Variants in NLRX1 observed in about 807,000 individuals in gnomAD.
NLRX1 encodes the protein NLR family member X1.
NLRX1 carries 67 observed loss-of-function variants against 74.2 expected under a neutral mutation model. That is an observed-to-expected ratio of 0.90 (90% CI 0.74 to 1.11). The LOEUF (loss-of-function observed/expected upper bound fraction) is 1.11, where lower values mean the gene tolerates loss of function less well. NLRX1 is among the 50% of genes least tolerant of loss of function. The probability of loss-of-function intolerance (pLI) is 0.00; values close to 1 mark genes in which losing one functional copy is unlikely to be tolerated. For synonymous variants in NLRX1, 506 were observed against 559.1 expected (o/e 0.91, Z 1.34); for missense variants, 1,191 against 1,305.4 (o/e 0.91, Z 1.35).
At chr11:119,182,812 G>C (rs1186635641) in intron 9 of NLRX1, among the ~76,000 whole-genome samples, 7 of 151,848 alleles carry the variant, frequency 4.6e-5, no homozygotes, top group African/African-American at 7.3e-5. Context: ...ACCTGAACCC[G>C]GCAGGTGGAG....
At position 119,181,156 on chromosome 11, in the gene NLRX1, C is replaced by A; in HGVS notation, c.2268-15C>A. ...CCTGGTCTCTCACCTCCCCTCTGGC[C>A]ACCTTCTGCTCCAGCTTGCAACTCA... is the stretch of plus-strand genomic sequence containing the variant. On this transcript the variant is annotated splice_polypyrimidine_tract_variant and intron_variant, in intron 7 of 9. Transcript: ENST00000409109. 6.2e-7 allele frequency: 1 copy of A among 1,608,262 alleles called. No homozygotes were observed. Among genetic ancestry groups the A allele is most frequent in the Non-Finnish European group, 8.5e-7 (1 of 1,175,104 alleles).
rs770610223 is a variant in NLRX1, at chr11:119,173,497, G to A, written c.248G>A (p.Arg83His). ...CACTCAGAAGCTATACAGCGGCACC[G>A]CCGGAACCTGGCTGAGTGGTTCAGC... ...ASATEAIQRH[R>H]RNLAEWFSRL... Residue 83 changes from arginine to histidine, a missense_variant, in exon 5 of 10, where the codon CGC becomes CAC. By Grantham distance (29) the Arg-to-His change is conservative. Transcript: ENST00000409109. This position sits in a 1 kb window ranked among gnomAD's most constrained non-coding sequence, Gnocchi z 4.0. 4.3e-6 allele frequency: 7 copies of A among 1,613,588 alleles called. No homozygotes were observed. Among genetic ancestry groups the A allele is most frequent in the African/African-American group, 2.7e-5 (2 of 75,062 alleles).
chr11:119,174,132 G>C, intron 5 of NLRX1, 34 bp downstream of exon 5: 1 of 1,603,350 alleles, frequency 6.2e-7, no homozygotes, highest in Non-Finnish European at 8.5e-7. Flanking sequence ...TATCACTGCT[G>C]CCCGTTGACT....
In NLRX1 at chr11:119,173,826, C is replaced by G. The variant is rs150153921; in HGVS notation, c.577C>G (p.Leu193Val). Residue 193 changes from leucine to valine, a missense_variant, in exon 5 of 10, where the codon CTG becomes GTG. Leu to Val is a conservative substitution (Grantham distance 32, BLOSUM62 1). Coordinates refer to ENST00000409109, the MANE Select transcript of NLRX1 (RefSeq NM_001282144.2). The surrounding 1 kb of genome is among the most constrained non-coding windows in gnomAD (Gnocchi z 4.0). ...WCYGRLPAFE[L>V]LIPFSCEDLS... is the part of the protein sequence containing the mutation. ...TTATGGGCGGCTGCCGGCCTTCGAG[C>G]TGCTCATCCCCTTCTCCTGTGAGGA... 7.5e-3 allele frequency: 12,143 copies of G among 1,613,594 alleles called. 68 individuals are homozygous for G. Among genetic ancestry groups the G allele is most frequent in the Non-Finnish European group, 8.9e-3 (10,548 of 1,180,036 alleles).
intron 6 of NLRX1, among the ~76,000 whole-genome samples, chr11:119,178,928 T>C (rs140472139): frequency 0.011 from 1,612 of 152,182 alleles, 27 homozygotes; most frequent in African/African-American, 0.035. Context: ...CAAGTGATCC[T>C]CCCACCTCGG....
chr11:119,179,081 G>A (rs774791953), intron 6 of NLRX1, among the ~76,000 whole-genome samples: 2 of 152,216 alleles, frequency 1.3e-5, no homozygotes, highest in African/African-American at 4.8e-5. Flanking sequence ...GGCTTGTGAT[G>A]AAGGCATCGT....
chr11:119,172,973 C>T lies in NLRX1; in HGVS notation c.213C>T (p.Pro71=), dbSNP rs1272151610. Residue 71 remains proline (P), a synonymous_variant, in exon 4 of 10, where the codon CCC becomes CCT. Coordinates refer to ENST00000409109, the MANE Select transcript of NLRX1 (RefSeq NM_001282144.2). ...CCGGGAGGCATGGACGGCTGTTCCC[C>T]AGCGCCTCTGCAACTGGTAAAGGGA... The part of the protein sequence containing the change: ...PPPGRHGRLF[P]SASATEAIQR... 1 of 1,613,698 alleles carries T rather than the reference C, an allele frequency of 6.2e-7. No homozygotes were observed. The highest frequency in any genetic ancestry group is 8.5e-7 in the Non-Finnish European group (1 of 1,179,846).
intron 2 of NLRX1, 122 bp from the exon 3 acceptor site, chr11:119,172,234 A>T: frequency 2.7e-6 from 2 of 740,826 alleles, no homozygotes; most frequent in South Asian, 3.1e-5. Flanking sequence ...AAATTGCAAA[A>T]TAACTGCTGC....
In NLRX1 at chr11:119,174,026, T is replaced by A; in HGVS notation, c.777T>A (p.Cys259Ter). 2 of 1,614,186 alleles carry A rather than the reference T, an allele frequency of 1.2e-6. No homozygotes were observed. Among genetic ancestry groups the A allele is most frequent in the African/African-American group, 1.3e-5 (1 of 75,058 alleles). The change falls in exon 5 of 10, where the codon TGT becomes TGA. Residue 259 changes from cysteine (C) to a stop codon, truncating the protein, a stop_gained. Coordinates refer to ENST00000409109, the MANE Select transcript of NLRX1 (RefSeq NM_001282144.2). LOFTEE classifies it high-confidence loss of function. ...LDFRLAGTGLCSDPEEPQEPA... is the reference protein window; with the variant it reads ...LDFRLAGTGL ...TCCGGCTGGCAGGCACGGGACTTTG[T>A]AGTGACCCGGAGGAACCGCAGGAAC...
chr11:119,174,968 T>G lies in NLRX1; in HGVS notation c.1365T>G (p.Ala455=). Residue 455 remains alanine, a synonymous_variant, in exon 6 of 10, where the codon GCT becomes GCG. Coordinates refer to ENST00000409109, the MANE Select transcript of NLRX1 (RefSeq NM_001282144.2). ...SEEDVCGCLE[A]GIRTEEEFQL... ...AGGATGTCTGTGGCTGCCTGGAGGC[T>G]GGCATCAGGACGGAGGAGGAGTTTC... The G allele has an allele frequency of 6.2e-7, 1 of 1,614,050 alleles. No homozygotes were observed. The highest frequency in any genetic ancestry group is 8.5e-7 in the Non-Finnish European group (1 of 1,180,042).
Position 119,181,257 on chromosome 11 carries a change from G to C in NLRX1, c.2354G>C (p.Arg785Pro). 1 of 1,612,862 alleles carries C rather than the reference G, an allele frequency of 6.2e-7. No individual in the cohort carries two copies. Among genetic ancestry groups the C allele is most frequent in the South Asian group, 1.1e-5 (1 of 91,046 alleles). ...LHDQCQITTL[R>P]LSNNPLTAAG... ...GACCAGTGCCAAATTACCACACTGCGGTGAGTGACCTGGGAGTGGGGCATC... is the reference window on the plus strand; with the variant it reads ...GACCAGTGCCAAATTACCACACTGCCGTGAGTGACCTGGGAGTGGGGCATC... Residue 785 changes from arginine to proline, a missense_variant and splice_region_variant, in exon 8 of 10, where the codon CGG becomes CCG. Coordinates refer to ENST00000409109, the MANE Select transcript of NLRX1 (RefSeq NM_001282144.2).
intron 1 of NLRX1, among the ~76,000 whole-genome samples, chr11:119,171,120 C>T (rs1440381700): frequency 6.6e-6 from 1 of 151,902 alleles, no homozygotes; most frequent in African/African-American, 2.4e-5. Flanking sequence ...CAGAGGGGCA[C>T]TCCATCTCAA....
rs1480944557 is a variant in NLRX1, at chr11:119,182,208, C to T, written c.2469C>T (p.Gly823=). 6.2e-7 allele frequency: 1 copy of T among 1,613,948 alleles called. No individual in the cohort carries two copies. Among genetic ancestry groups the T allele is most frequent in the Non-Finnish European group, 8.5e-7 (1 of 1,180,044 alleles). Residue 823 remains glycine (G), a synonymous_variant, in exon 9 of 10, where the codon GGC becomes GGT. Transcript: ENST00000409109. The part of the protein sequence containing the change: ...SLLHTGLGDE[G]LELLAAQLDR... ...TGCACACGGGCCTTGGGGACGAAGG[C>T]CTGGAGCTGCTGGCTGCCCAGCTGG...
chr11:119,178,934 C>G (rs1452779021), intron 6 of NLRX1, among the ~76,000 whole-genome samples: 1 of 152,150 alleles, frequency 6.6e-6, no homozygotes, highest in Non-Finnish European at 1.5e-5. Context: ...ATCCTCCCAC[C>G]TCGGCCTCCC....
chr11:119,172,076 C>T (rs755183283), intron 2 of NLRX1, among the ~76,000 whole-genome samples: 4 of 152,094 alleles, frequency 2.6e-5, no homozygotes, highest in African/African-American at 4.8e-5. Context: ...CCTGCCGTAC[C>T]GCAGACCTGG....
chr11:119,179,712 G>A lies in NLRX1; in HGVS notation c.1691G>A (p.Gly564Glu). Reference protein sequence around the residue: ...NLIKVVPRVFGRMVGKSREAV... With the variant: ...NLIKVVPRVFERMVGKSREAV... ...TTTCAGGTGGTTCCACGAGTGTTTG[G>A]GCGCATGGTGGGTAAAAGCCGGGAG... The change falls in exon 7 of 10, where the codon GGG becomes GAG. Residue 564 changes from glycine (G) to glutamate (E), a missense_variant. By Grantham distance (98) the Gly-to-Glu change is moderately conservative. Transcript: ENST00000409109. 3 of 1,606,334 alleles carry A rather than the reference G, an allele frequency of 1.9e-6. No homozygotes were observed. Among genetic ancestry groups the A allele is most frequent in the Non-Finnish European group, 2.6e-6 (3 of 1,174,794 alleles).
At chr11:119,179,535 G>A (rs1565832548) in intron 6 of NLRX1, among the ~76,000 whole-genome samples, 158 bp from the exon 7 acceptor site, 1 of 152,184 alleles carries the variant, frequency 6.6e-6, no homozygotes, top group Non-Finnish European at 1.5e-5. Flanking sequence ...GCCATGGAAG[G>A]TGTCGCAGCA....
At chr11:119,182,554 C>A (rs1445815896) in intron 9 of NLRX1, among the ~76,000 whole-genome samples, 3 of 152,160 alleles carry the variant, frequency 2.0e-5, no homozygotes, top group Admixed American at 6.5e-5. Flanking sequence ...TCCCTACCAC[C>A]ATTTCTCCTA....
At chr11:119,175,295 AC>A (rs776297815) in intron 6 of NLRX1, 21 bp downstream of exon 6, 148 of 1,592,454 alleles carry the variant, frequency 9.3e-5, no homozygotes, top group Non-Finnish European at 1.2e-4. Flanking sequence ...GATCAAGGTA[AC>A]CCCCCAACCT....
Sources: allele counts gnomAD v4.1 joint callset (sites outside exome capture counted in the v4.1 genomes callset), GRCh38; gene constraint gnomAD v4.1.1; non-coding constraint Gnocchi (gnomAD v3.1); transcripts MANE v1.5; gene names NCBI Gene and HGNC (gene_info 2026-07-23, HGNC 2026-07-21).